Variants in ALS2CL observed in about 807,000 individuals in gnomAD.
The protein encoded by ALS2CL is ALS2 C-terminal like, also known as ALS2 C-terminal-like protein.
In ALS2CL, 112 loss-of-function variants were observed where a neutral mutation model predicts 127.9. That is an observed-to-expected ratio of 0.88 (90% CI 0.75 to 1.02). The LOEUF (loss-of-function observed/expected upper bound fraction) is 1.02. Ranked by LOEUF, ALS2CL falls within the 50% of genes least tolerant of loss-of-function variation. The probability of loss-of-function intolerance (pLI) is 0.00; values close to 1 mark genes in which losing one functional copy is unlikely to be tolerated. For missense variants in ALS2CL, 1,174 were observed against 1,236.7 expected, an observed-to-expected ratio of 0.95 and a Z score of 0.76; for synonymous variants, 519 against 527.6, an observed-to-expected ratio of 0.98 and a Z score of 0.22.
intron 19 of ALS2CL, chr3:46,675,941 C>T (rs1698777492): frequency 1.4e-6 from 2 of 1,426,164 alleles, no homozygotes; most frequent in Non-Finnish European, 1.8e-6. Context: ...CAGCCTGGGA[C>T]TGCAGGTGTG....
At chr3:46,678,425 G>A in intron 15 of ALS2CL, 36 bp from the exon 16 acceptor site, 1 of 1,590,318 alleles carries the variant, frequency 6.3e-7, no homozygotes, top group Non-Finnish European at 8.6e-7. Context: ...ATGTCTGTCT[G>A]CCCAGTTACC....
chr3:46,680,693 A>AC (rs1699248610), intron 13 of ALS2CL, 152 bp from the exon 14 acceptor site: 1 of 657,516 alleles, frequency 1.5e-6, no homozygotes, highest in Non-Finnish European at 2.6e-6. Context: ...AGAGGTCAGG[A>AC]CCCCCAAGAG....
At position 46,669,017 on chromosome 3, in the gene ALS2CL, A is replaced by T. The variant is rs1698209466; in HGVS notation, c.*1967T>A. 6.6e-6 allele frequency: 1 copy of T among 151,746 alleles called. No homozygotes were observed. Among genetic ancestry groups the T allele is most frequent in the South Asian group, 2.1e-4 (1 of 4,790 alleles). 9.4% of individuals were successfully genotyped at this position (151,746 alleles called of 1,614,324 possible). ...AGGCTCTGTCCAGATGCTCTTTTTT[A>T]TTTATTTTATTTTTATTTTTATTTT... is the stretch of plus-strand genomic sequence containing the variant. On this transcript the variant is annotated 3_prime_UTR_variant, in exon 26 of 26. Coordinates refer to ENST00000318962, the MANE Select transcript of ALS2CL (RefSeq NM_147129.5).
chr3:46,688,398 G>T, intron 2 of ALS2CL, 102 bp from the exon 3 acceptor site: 1 of 1,125,848 alleles, frequency 8.9e-7, no homozygotes, highest in East Asian at 2.6e-5. Context: ...CACCAGCACC[G>T]GCCAGCCCTG....
In ALS2CL at chr3:46,681,364, G is replaced by A; in HGVS notation, c.1318C>T (p.Leu440=). Residue 440 remains leucine (L), a synonymous_variant, in exon 13 of 26, where the codon CTG becomes TTG. Coordinates refer to ENST00000318962, the MANE Select transcript of ALS2CL (RefSeq NM_147129.5). The surrounding 1 kb of genome is among the most constrained non-coding windows in gnomAD (Gnocchi z 4.9). ...TCAAGGACCCCAAATCCGTGCCGCA[G>A]GCCCTCCTGGAAGTAGCCCTTGTAC... ...EVYKGYFQEG[L]RHGFGVLESG... The A allele has an allele frequency of 6.2e-7, 1 of 1,608,996 alleles. No homozygotes were observed. The highest frequency in any genetic ancestry group is 1.3e-5 in the African/African-American group (1 of 74,914).
At chr3:46,676,191 A>G in intron 19 of ALS2CL, 54 bp downstream of exon 19, 1 of 1,578,780 alleles carries the variant, frequency 6.3e-7, no homozygotes, top group South Asian at 1.1e-5. Context: ...GATGCCTGGA[A>G]AGGGCACACT....
chr3:46,685,455 C>T, intron 7 of ALS2CL, 70 bp downstream of exon 7: 2 of 1,584,268 alleles, frequency 1.3e-6, no homozygotes, highest in Non-Finnish European at 1.7e-6. Flanking sequence ...TGCCCCTTTA[C>T]TGCTCCTTTT....
Position 46,676,913 on chromosome 3 carries a change from G to C in ALS2CL, c.1867C>G (p.Leu623Val). Residue 623 changes from leucine (L) to valine (V), a missense_variant, in exon 17 of 26, where the codon CTG becomes GTG. Physicochemically the swap from Leu to Val is conservative, Grantham distance 32. Transcript: ENST00000318962. Reference protein sequence around the residue: ...GCPRDLQEALLGFDVQSSREL... With the variant: ...GCPRDLQEALVGFDVQSSREL... ...CTGGAGCTCTGCACGTCGAAGCCCA[G>C]CAGGGCCTCCTGCAGGTCCCTGGGG... 1 of 1,613,514 alleles carries C rather than the reference G, an allele frequency of 6.2e-7. No individual in the cohort carries two copies.
intron 24 of ALS2CL, 94 bp downstream of exon 24, chr3:46,671,790 C>G (rs1205630393): frequency 7.7e-6 from 12 of 1,563,750 alleles, no homozygotes; most frequent in Non-Finnish European, 9.5e-6. Context: ...GAAGCTGCAT[C>G]CATAAACCCT....
intron 1 of ALS2CL, among the ~76,000 whole-genome samples, chr3:46,691,220 G>A (rs1700131252): frequency 6.6e-6 from 1 of 152,214 alleles, no homozygotes; most frequent in Non-Finnish European, 1.5e-5. Flanking sequence ...CTGCTGGAAT[G>A]GAAAGGCGCT....
Position 46,672,185 on chromosome 3 carries a change from C to A in ALS2CL, c.2489G>T (p.Arg830Met), listed in dbSNP as rs139684532. 8 of 1,614,104 alleles carry A rather than the reference C, an allele frequency of 5.0e-6. No homozygotes were observed. Among genetic ancestry groups the A allele is most frequent in the Non-Finnish European group, 6.8e-6 (8 of 1,180,018 alleles). Reference sequence around the variant, plus strand: ...GGTGGCTGACAGGAAACACTTGTCCCTGACCAGGGAGTACCTCTGCATGGT... The same window carrying A: ...GGTGGCTGACAGGAAACACTTGTCCATGACCAGGGAGTACCTCTGCATGGT... ...LTSNQRYSLV[R>M]DKCFLSATEC... Residue 830 changes from arginine (R) to methionine (M), a missense_variant, in exon 23 of 26, where the codon AGG (arginine) becomes ATG (methionine). Arg to Met is a moderately conservative substitution (Grantham distance 91). Transcript: ENST00000318962.
At position 46,671,398 on chromosome 3, in the gene ALS2CL, C is replaced by T. The variant is rs1575402302; in HGVS notation, c.2781+90G>A. 7 of 1,564,868 alleles carry T rather than the reference C, an allele frequency of 4.5e-6. No homozygotes were observed. In the East Asian group the frequency reaches 1.6e-4, roughly 36 times the overall value. ...TGAGCTGTGAATTTGAGCTCCCTCC[C>T]ACTATGGTGTTATGATGTCTGGGAA... On this transcript the variant is annotated intron_variant, in intron 25 of 25. Transcript: ENST00000318962.
chr3:46,677,412 G>T (rs1199962069), intron 16 of ALS2CL: 7 of 1,050,668 alleles, frequency 6.7e-6, no homozygotes, highest in African/African-American at 1.7e-5. Flanking sequence ...TCCTTCCTGT[G>T]GTTGATCCCG....
At chr3:46,677,849 C>A (rs1698986350) in intron 16 of ALS2CL, among the ~76,000 whole-genome samples, 1 of 152,180 alleles carries the variant, frequency 6.6e-6, no homozygotes, top group Non-Finnish European at 1.5e-5. Flanking sequence ...CCTTGGCTGC[C>A]AGGAAACTCA....
chr3:46,683,326 C>T lies in ALS2CL; in HGVS notation c.913G>A (p.Ala305Thr), dbSNP rs1298910311. The T allele has an allele frequency of 1.9e-6, 3 of 1,579,592 alleles. No homozygotes were observed. The Admixed American group carries it at 5.4e-5, about 29-fold the overall frequency. ...SFCAKDSQGQ[A>T]VWQWKVTWAV... is the part of the protein sequence containing the mutation. ...CAGGTCACCTTCCACTGCCAGACTGCCTGGTGGGAGGGGGAACATGGGGAA... is the reference window on the plus strand; with the variant it reads ...CAGGTCACCTTCCACTGCCAGACTGTCTGGTGGGAGGGGGAACATGGGGAA... The change falls in exon 10 of 26, where the codon GCA (alanine) becomes ACA (threonine). Residue 305 changes from alanine to threonine, a missense_variant and splice_region_variant. Physicochemically the swap from Ala to Thr is moderately conservative, Grantham distance 58. Coordinates refer to ENST00000318962, the MANE Select transcript of ALS2CL (RefSeq NM_147129.5).
At chr3:46,672,591 C>T (rs1698492413) in intron 22 of ALS2CL, among the ~76,000 whole-genome samples, 1 of 152,176 alleles carries the variant, frequency 6.6e-6, no homozygotes, top group Non-Finnish European at 1.5e-5. Flanking sequence ...GAGGTGGTTC[C>T]AAGAATCTGC....
rs374311421 is a variant in ALS2CL at position 46,676,840 on chromosome 3, C to T, written c.1931+9G>A. The T allele has an allele frequency of 6.0e-5, 97 of 1,613,388 alleles. No individual in the cohort carries two copies. Among genetic ancestry groups the T allele is most frequent in the Non-Finnish European group, 8.1e-5 (95 of 1,179,906 alleles). On this transcript the variant is annotated intron_variant, in intron 17 of 25. Coordinates refer to ENST00000318962, the MANE Select transcript of ALS2CL (RefSeq NM_147129.5). ...CCTAACCTGTGCATGCTCACACAGC[C>T]GGCCTCACCTCTCGCAGGACAGGTA...
In ALS2CL at chr3:46,686,005, G is replaced by A. The variant is rs1487462315; in HGVS notation, c.666+303C>T. On this transcript the variant is annotated intron_variant, in intron 6 of 25. Coordinates refer to ENST00000318962, the MANE Select transcript of ALS2CL (RefSeq NM_147129.5). This position sits in a 1 kb window ranked among gnomAD's most constrained non-coding sequence, Gnocchi z 4.3. Reference sequence around the variant, plus strand: ...ACAGGGGACTCTCCTCCCTGCAGGGGCAGTCCATGCCATGGTGGGCAGTGA... The same window carrying A: ...ACAGGGGACTCTCCTCCCTGCAGGGACAGTCCATGCCATGGTGGGCAGTGA... Among the ~76,000 whole-genome samples the A allele has an allele frequency of 6.6e-6, 1 of 152,192 alleles. No homozygotes were observed. Among genetic ancestry groups the A allele is most frequent in the African/African-American group, 2.4e-5 (1 of 41,440 alleles).
At chr3:46,687,247 G>T in intron 4 of ALS2CL, 99 bp from the exon 5 acceptor site, 9 of 1,357,800 alleles carry the variant, frequency 6.6e-6, no homozygotes, top group Non-Finnish European at 4.8e-6. Context: ...CAGATCCCAG[G>T]GCCAGCCCCA....
Sources: allele counts gnomAD v4.1 joint callset (sites outside exome capture counted in the v4.1 genomes callset), GRCh38; gene constraint gnomAD v4.1.1; non-coding constraint Gnocchi (gnomAD v3.1); transcripts MANE v1.5; gene names NCBI Gene and HGNC (gene_info 2026-07-23, HGNC 2026-07-21).